NAV2: variants seen among roughly 807,000 people sequenced by gnomAD.
The protein encoded by NAV2 is helicase, APC down-regulated 1.
NAV2 carries 54 observed loss-of-function variants against 223.2 expected under a neutral mutation model. The ratio of observed to expected loss-of-function variants is 0.24; its 90% CI spans 0.19 to 0.30. The LOEUF (loss-of-function observed/expected upper bound fraction) is 0.30, where lower values mean the gene tolerates loss of function less well. Ranked by LOEUF, NAV2 falls within the 10% of genes least tolerant of loss-of-function variation. The pLI is 1.00. For synonymous variants in NAV2, 1,279 were observed against 1,239.3 expected, an observed-to-expected ratio of 1.03 and a Z score of -0.67; for missense variants, 2,806 against 3,147.5, an observed-to-expected ratio of 0.89 and a Z score of 2.60.
chr11:19,924,606 C>T (rs547049616), intron 6 of NAV2, among the ~76,000 whole-genome samples: 1 of 152,284 alleles, frequency 6.6e-6, no homozygotes, highest in African/African-American at 2.4e-5. Context: ...ATCAAACTGT[C>T]ACAAGATACT....
At chr11:19,877,485 T>C (rs113427186) in intron 4 of NAV2, among the ~76,000 whole-genome samples, 76 of 45,116 alleles carry the variant, frequency 1.7e-3, no homozygotes, top group African/African-American at 3.1e-3. Flanking sequence ...TTTTTTTTTT[T>C]TTTTTGAGAC....
At chr11:19,915,473 A>C in intron 6 of NAV2, among the ~76,000 whole-genome samples, 1 of 152,176 alleles carries the variant, frequency 6.6e-6, no homozygotes, top group East Asian at 1.9e-4. Flanking sequence ...TCTCACTGGA[A>C]GCTTCTGCCA....
intron 1 of NAV2, among the ~76,000 whole-genome samples, chr11:19,596,866 C>A (rs940079070): frequency 6.6e-6 from 1 of 152,206 alleles, no homozygotes; most frequent in South Asian, 2.1e-4. Context: ...GCAGGCTGTT[C>A]GTCTTTACGG....
intron 1 of NAV2, among the ~76,000 whole-genome samples, chr11:19,445,335 T>C (rs551204589): frequency 1.3e-5 from 2 of 152,180 alleles, no homozygotes; most frequent in East Asian, 3.9e-4. Flanking sequence ...TAGAGCACTG[T>C]GCTGGACACT....
chr11:19,705,207 C>T (rs2049628005), intron 1 of NAV2, among the ~76,000 whole-genome samples: 1 of 151,968 alleles, frequency 6.6e-6, no homozygotes, highest in African/African-American at 2.4e-5. Context: ...ATGTCAGATC[C>T]AGCCTAGAAT....
rs116428916 is a variant in NAV2 at position 19,862,866 on chromosome 11, G to C, written c.439-6059G>C. 6.1e-3 allele frequency among the ~76,000 whole-genome samples: 929 copies of C among 152,266 alleles called. 9 individuals are homozygous for C. The highest frequency in any genetic ancestry group is 0.022 in the African/African-American group (895 of 41,552). On this transcript the variant is annotated intron_variant, in intron 3 of 37. Transcript: ENST00000349880. ...AACACTACAAGACAGACATTTAGGA[G>C]GGCATTTCCCTAAAGTTCATTTTGC... is the stretch of plus-strand genomic sequence containing the variant.
intron 5 of NAV2, among the ~76,000 whole-genome samples, chr11:19,891,462 A>C: frequency 6.6e-6 from 1 of 152,214 alleles, no homozygotes; most frequent in East Asian, 1.9e-4. Flanking sequence ...CACATTATGG[A>C]TGGTGACTTT....
chr11:19,997,978 C>T (rs963582107), intron 11 of NAV2, among the ~76,000 whole-genome samples: 2 of 152,072 alleles, frequency 1.3e-5, no homozygotes, highest in African/African-American at 4.8e-5. Context: ...TCTGGTAGCC[C>T]TTAACATGCC....
At chr11:19,928,568 G>A (rs1303415026) in intron 6 of NAV2, among the ~76,000 whole-genome samples, 3 of 152,222 alleles carry the variant, frequency 2.0e-5, no homozygotes, top group South Asian at 4.1e-4. Context: ...AAGAACTCAC[G>A]CCACCCACCT....
chr11:19,386,281 G>T (rs1196992664), intron 1 of NAV2, among the ~76,000 whole-genome samples: 1 of 152,154 alleles, frequency 6.6e-6, no homozygotes, highest in Admixed American at 6.5e-5. Flanking sequence ...TAATGAGAGG[G>T]GTTCTGGTTT....
At chr11:19,420,046 C>T (rs1431499390) in intron 1 of NAV2, among the ~76,000 whole-genome samples, 1 of 152,128 alleles carries the variant, frequency 6.6e-6, no homozygotes, top group Non-Finnish European at 1.5e-5. Flanking sequence ...TCCTCTGAGT[C>T]AGTCTACTAC....
At chr11:19,469,373 C>A (rs1383584639) in intron 1 of NAV2, among the ~76,000 whole-genome samples, 1 of 152,148 alleles carries the variant, frequency 6.6e-6, no homozygotes, top group African/African-American at 2.4e-5. Flanking sequence ...TAGCAAGGGG[C>A]TTATAAGTTT....
At chr11:19,513,000 C>T (rs969350164) in intron 1 of NAV2, among the ~76,000 whole-genome samples, 6 of 151,928 alleles carry the variant, frequency 3.9e-5, no homozygotes, top group South Asian at 2.1e-4. Flanking sequence ...AAGGACGATA[C>T]GTAACTCTAC....
intron 1 of NAV2, among the ~76,000 whole-genome samples, chr11:19,585,793 C>T (rs554434321): frequency 6.6e-6 from 1 of 152,318 alleles, no homozygotes; most frequent in African/African-American, 2.4e-5. Context: ...CCCAACCTTT[C>T]TCTCTGGCTG....
intron 1 of NAV2, among the ~76,000 whole-genome samples, chr11:19,388,593 G>A (rs1053417580): frequency 1.3e-5 from 2 of 152,208 alleles, no homozygotes; most frequent in Non-Finnish European, 2.9e-5. Context: ...GGAAGTCTGA[G>A]AGGGAGTGGG....
At chr11:20,035,343 C>T (rs1370035008) in intron 11 of NAV2, among the ~76,000 whole-genome samples, 3 of 152,150 alleles carry the variant, frequency 2.0e-5, no homozygotes, top group Non-Finnish European at 2.9e-5. Flanking sequence ...TGCTAGGAGA[C>T]TGGACTTAGG....
rs1389781510 is a variant in NAV2 at position 20,120,498 on chromosome 11, C to T, written c.*2240C>T. 1 of 152,656 alleles carries T rather than the reference C, an allele frequency of 6.6e-6. No individual in the cohort carries two copies. The highest frequency in any genetic ancestry group is 1.5e-5 in the Non-Finnish European group (1 of 68,048). 9.5% of individuals were successfully genotyped at this position (152,656 alleles called of 1,614,324 possible). A position where few individuals can be genotyped will look rare whatever the true frequency, so the allele number is the denominator to read the frequency against. On this transcript the variant is annotated 3_prime_UTR_variant, in exon 38 of 38. Coordinates refer to ENST00000349880, the MANE Select transcript of NAV2 (RefSeq NM_145117.5). Reference sequence around the variant, plus strand: ...CCCAGCAATGACCCTACTACACTCGCGTACTGTGAATTTGGGAGGAGGTAA... The same window carrying T: ...CCCAGCAATGACCCTACTACACTCGTGTACTGTGAATTTGGGAGGAGGTAA...
intron 26 of NAV2, among the ~76,000 whole-genome samples, chr11:20,089,229 A>C (rs575141123): frequency 6.6e-5 from 10 of 152,330 alleles, no homozygotes; most frequent in African/African-American, 2.4e-4. Context: ...TTTTGAAGCT[A>C]AGAATCTTCC....
rs539182662 is a variant in NAV2, at chr11:19,579,476, C to G, written c.75+228449C>G. Among the ~76,000 whole-genome samples, 169 of 152,220 alleles carry G rather than the reference C, an allele frequency of 1.1e-3. 1 individual carries two copies. The highest frequency in any genetic ancestry group is 2.0e-3 in the Non-Finnish European group (133 of 68,016). ...GGGCCCTGACAGTCATGGGTGGCAG[C>G]TGATTATAGAGGTTGAAGTGTTTTA... On this transcript the variant is annotated intron_variant, in intron 1 of 37. Transcript: ENST00000360655.
Sources: gnomAD v4.1 joint callset for allele counts (sites outside exome capture counted in the v4.1 genomes callset) on GRCh38, gnomAD v4.1.1 for gene constraint, MANE v1.5 for transcripts, NCBI Gene and HGNC (gene_info 2026-07-23, HGNC 2026-07-21) for gene names.